The following EXOC6B variants were observed in gnomAD, a reference collection of about 807,000 sequenced individuals.
EXOC6B encodes SEC15 homolog B.
In EXOC6B, 54 loss-of-function variants were observed where a neutral mutation model predicts 113.5. The ratio of observed to expected loss-of-function variants is 0.48; its 90% CI spans 0.38 to 0.60. The LOEUF is 0.60. EXOC6B is among the 20% of genes least tolerant of loss of function. The pLI, the probability that EXOC6B is intolerant of heterozygous loss-of-function variation, is 0.00. For synonymous variants in EXOC6B, 357 were observed against 339.0 expected, an observed-to-expected ratio of 1.05 and a Z score of -0.58; for missense variants, 797 against 977.5, an observed-to-expected ratio of 0.82 and a Z score of 2.46.
intron 19 of EXOC6B, among the ~76,000 whole-genome samples, chr2:72,362,262 A>G (rs1175675498): frequency 6.6e-6 from 1 of 152,184 alleles, no homozygotes; most frequent in Non-Finnish European, 1.5e-5. Context: ...CATTACATTT[A>G]AAAAGATGCA....
At chr2:72,323,994 A>G (rs1030844639) in intron 20 of EXOC6B, among the ~76,000 whole-genome samples, 19 of 152,086 alleles carry the variant, frequency 1.2e-4, no homozygotes, top group Admixed American at 4.6e-4. Flanking sequence ...CAAAATAAAT[A>G]AAAGAGAAAG....
chr2:72,690,061 T>C (rs1480551639), intron 6 of EXOC6B, among the ~76,000 whole-genome samples: 1 of 152,234 alleles, frequency 6.6e-6, no homozygotes, highest in Non-Finnish European at 1.5e-5. Flanking sequence ...GTTGCTTTTG[T>C]TCAGAGCACT....
At chr2:72,770,197 C>A (rs1377074129) in intron 1 of EXOC6B, among the ~76,000 whole-genome samples, 1 of 151,374 alleles carries the variant, frequency 6.6e-6, no homozygotes, top group East Asian at 1.9e-4. Context: ...AAGACAAAAA[C>A]AAGGTCAGAT....
At chr2:72,314,383 C>T (rs1687385956) in intron 20 of EXOC6B, among the ~76,000 whole-genome samples, 1 of 152,202 alleles carries the variant, frequency 6.6e-6, no homozygotes, top group African/African-American at 2.4e-5. Context: ...CAAAACACTG[C>T]TTGCAAACAT....
At chr2:72,188,660 C>A (rs1037385676) in intron 20 of EXOC6B, among the ~76,000 whole-genome samples, 2 of 152,208 alleles carry the variant, frequency 1.3e-5, no homozygotes. Flanking sequence ...CAATCAGACC[C>A]TCCCAGCCTG....
At chr2:72,311,951 CACTTTATT>C (rs1173556616) in intron 20 of EXOC6B, among the ~76,000 whole-genome samples, 3 of 152,298 alleles carry the variant, frequency 2.0e-5, no homozygotes, top group African/African-American at 4.8e-5. Flanking sequence ...TTGATTTCCT[CACTTTATT>C]AAAGCTCTTT....
chr2:72,248,174 A>G (rs1682784824), intron 20 of EXOC6B, among the ~76,000 whole-genome samples: 1 of 152,230 alleles, frequency 6.6e-6, no homozygotes, highest in Non-Finnish European at 1.5e-5. Context: ...AATAACTTTA[A>G]AAAGTGTTAT....
At chr2:72,801,359 A>G (rs1426120239) in intron 1 of EXOC6B, among the ~76,000 whole-genome samples, 1 of 152,248 alleles carries the variant, frequency 6.6e-6, no homozygotes, top group East Asian at 1.9e-4. Flanking sequence ...CTCTCTGTTT[A>G]TCAATAAGTC....
At chr2:72,194,022 TA>T (rs1051760142) in intron 20 of EXOC6B, among the ~76,000 whole-genome samples, 14 of 152,300 alleles carry the variant, frequency 9.2e-5, no homozygotes, top group African/African-American at 3.4e-4. Flanking sequence ...ATGGGAAGCT[TA>T]AAATATCCAC....
At chr2:72,375,494 A>G (rs1213285827) in intron 19 of EXOC6B, among the ~76,000 whole-genome samples, 1 of 152,204 alleles carries the variant, frequency 6.6e-6, no homozygotes, top group Non-Finnish European at 1.5e-5. Flanking sequence ...TTAAAAACCT[A>G]AAACAGAAGT....
intron 8 of EXOC6B, among the ~76,000 whole-genome samples, chr2:72,543,776 A>G (rs1412541183): frequency 6.6e-6 from 1 of 152,138 alleles, no homozygotes; most frequent in Non-Finnish European, 1.5e-5. Flanking sequence ...TCTAAGATCT[A>G]TGTAGTGTTT....
intron 8 of EXOC6B, among the ~76,000 whole-genome samples, chr2:72,549,755 G>C (rs1208097303): frequency 6.6e-6 from 1 of 152,132 alleles, no homozygotes; most frequent in African/African-American, 2.4e-5. Context: ...TATCATTCAA[G>C]AAAGGCAAGA....
intron 1 of EXOC6B, among the ~76,000 whole-genome samples, chr2:72,768,737 A>G (rs191031507): frequency 2.6e-5 from 4 of 152,248 alleles, no homozygotes. Context: ...AAGACATCAT[A>G]GCCAAGTATA....
At chr2:72,619,728 G>C (rs556117277) in intron 6 of EXOC6B, among the ~76,000 whole-genome samples, 2 of 152,286 alleles carry the variant, frequency 1.3e-5, no homozygotes, top group East Asian at 3.9e-4. Flanking sequence ...CTATGAAAAG[G>C]GTAAGTGAGG....
At chr2:72,576,895 A>G (rs770700464) in intron 6 of EXOC6B, among the ~76,000 whole-genome samples, 1 of 152,140 alleles carries the variant, frequency 6.6e-6, no homozygotes, top group Non-Finnish European at 1.5e-5. Context: ...CTTAATCAAT[A>G]TAAGATATTT....
intron 21 of EXOC6B, 148 bp downstream of exon 21, chr2:72,183,927 G>T: frequency 1.9e-6 from 1 of 520,924 alleles, no homozygotes; most frequent in South Asian, 3.2e-5. Flanking sequence ...TCCAGTGACT[G>T]AGATTGCTGA....
intron 8 of EXOC6B, among the ~76,000 whole-genome samples, chr2:72,544,230 C>T (rs1283324721): frequency 6.6e-6 from 1 of 152,116 alleles, no homozygotes; most frequent in African/African-American, 2.4e-5. Flanking sequence ...AACTAAATTT[C>T]AAGGCAGAAA....
chr2:72,403,664 C>G (rs1693500900), intron 18 of EXOC6B, among the ~76,000 whole-genome samples: 1 of 152,096 alleles, frequency 6.6e-6, no homozygotes, highest in Admixed American at 6.5e-5. Flanking sequence ...ACTGTACTGC[C>G]CACTACAGTC....
At chr2:72,776,822 T>C (rs991756414) in intron 1 of EXOC6B, among the ~76,000 whole-genome samples, 2 of 152,084 alleles carry the variant, frequency 1.3e-5, no homozygotes, top group Non-Finnish European at 1.5e-5. Context: ...TTTGAAGACA[T>C]AATGACCAAA....
Sources: gnomAD v4.1 joint callset for allele counts (sites outside exome capture counted in the v4.1 genomes callset) on GRCh38, gnomAD v4.1.1 for gene constraint, MANE v1.5 for transcripts, NCBI Gene and HGNC (gene_info 2026-07-23, HGNC 2026-07-21) for gene names.